The following SLC36A1 variants were observed in gnomAD, a reference collection of about 807,000 sequenced individuals.
SLC36A1 encodes the protein proton-coupled amino acid transporter 1.
A neutral mutation model predicts 47.5 loss-of-function variants in SLC36A1; 30 were observed. The observed-to-expected ratio is 0.63, with a 90% CI of 0.47 to 0.86. SLC36A1 has a LOEUF of 0.86. SLC36A1 is among the 40% of genes least tolerant of loss of function. The pLI, the probability that SLC36A1 is intolerant of heterozygous loss-of-function variation, is 0.00. For missense variants in SLC36A1, 517 were observed against 606.0 expected, an observed-to-expected ratio of 0.85 and a Z score of 1.54; for synonymous variants, 255 against 249.7, an observed-to-expected ratio of 1.02 and a Z score of -0.20.
upstream of SLC36A1, among the ~76,000 whole-genome samples, chr5:151,434,861 C>T (rs917077369): frequency 3.3e-5 from 5 of 152,284 alleles, no homozygotes; most frequent in East Asian, 5.8e-4. Context: ...TTGGACTTTT[C>T]GGTCTCCGGA....
chr5:151,479,620 G>A, intron 10 of SLC36A1, 131 bp downstream of exon 10: 3 of 1,039,366 alleles, frequency 2.9e-6, no homozygotes, highest in Non-Finnish European at 4.2e-6. Flanking sequence ...CTGGCCCATG[G>A]CCTCACTTTC....
upstream of SLC36A1, among the ~76,000 whole-genome samples, chr5:151,433,544 G>A (rs1011968848): frequency 1.3e-5 from 2 of 151,126 alleles, no homozygotes; most frequent in African/African-American, 4.9e-5. Context: ...GCCCGCCTTG[G>A]CCTTCCAAAG....
chr5:151,510,241 C>T, the SLC36A1 span: 3 of 1,550,982 alleles, frequency 1.9e-6, no homozygotes, highest in Admixed American at 5.1e-5. Context: ...CTGGCATTGG[C>T]AGACTGGTGT....
At chr5:151,443,547 T>G (rs183376393), upstream of SLC36A1, among the ~76,000 whole-genome samples, 71 of 152,344 alleles carry the variant, frequency 4.7e-4, no homozygotes, top group East Asian at 0.01. Context: ...TATGAGTTTT[T>G]GATACATTTT....
chr5:151,408,799 A>G, the SLC36A1 span, among the ~76,000 whole-genome samples: 5 of 152,166 alleles, frequency 3.3e-5, no homozygotes, highest in Non-Finnish European at 5.9e-5. Flanking sequence ...CCATGAAAAT[A>G]AACACCAATA....
the SLC36A1 span, chr5:151,526,092 C>T: frequency 2.3e-6 from 2 of 888,190 alleles, no homozygotes; most frequent in Non-Finnish European, 1.8e-6. Flanking sequence ...GGTGCCTGGA[C>T]ATCAAGCTGC....
upstream of SLC36A1, among the ~76,000 whole-genome samples, chr5:151,432,299 A>G (rs1759399847): frequency 6.6e-6 from 1 of 152,234 alleles, no homozygotes; most frequent in South Asian, 2.1e-4. Context: ...TAACAAAAGC[A>G]GTTGCTCTTG....
the SLC36A1 span, among the ~76,000 whole-genome samples, chr5:151,410,183 C>T: frequency 6.6e-6 from 1 of 152,068 alleles, no homozygotes; most frequent in South Asian, 2.1e-4. Flanking sequence ...TGTCTGAGGG[C>T]AGGAACTTTA....
chr5:151,369,573 C>T, the SLC36A1 span, among the ~76,000 whole-genome samples: 1 of 152,162 alleles, frequency 6.6e-6, no homozygotes, highest in African/African-American at 2.4e-5. Flanking sequence ...AACTCTTGGG[C>T]TCAAGTGATC....
chr5:151,545,642 C>A, the SLC36A1 span: 1 of 1,614,160 alleles, frequency 6.2e-7, no homozygotes, highest in East Asian at 2.2e-5. Context: ...CTCTCATAAT[C>A]CATCTCTGAT....
chr5:151,545,094 C>T, the SLC36A1 span: 2 of 1,614,186 alleles, frequency 1.2e-6, no homozygotes, highest in Non-Finnish European at 1.7e-6. Flanking sequence ...CCATATGAAA[C>T]ATATCTGTGC....
chr5:151,549,431 G>T, the SLC36A1 span: 1 of 1,614,170 alleles, frequency 6.2e-7, no homozygotes, highest in Non-Finnish European at 8.5e-7. Flanking sequence ...AGCGGGGTGG[G>T]TGGAGGTTTC....
chr5:151,524,607 G>T, the SLC36A1 span, among the ~76,000 whole-genome samples: 4 of 152,202 alleles, frequency 2.6e-5, no homozygotes, highest in African/African-American at 9.6e-5. Flanking sequence ...AGCCCAAATG[G>T]ACTAAGTCAG....
At chr5:151,544,815 A>C in the SLC36A1 span, 1 of 1,614,222 alleles carries the variant, frequency 6.2e-7, no homozygotes, top group South Asian at 1.1e-5. Flanking sequence ...CATATGTAAC[A>C]GCCCCATTTG....
the SLC36A1 span, chr5:151,545,182 T>A: frequency 6.2e-7 from 1 of 1,614,112 alleles, no homozygotes; most frequent in Non-Finnish European, 8.5e-7. Context: ...CTTTCTGTCC[T>A]GCAAGTTCTC....
At chr5:151,545,248 T>C in the SLC36A1 span, 1 of 1,614,162 alleles carries the variant, frequency 6.2e-7, no homozygotes, top group Non-Finnish European at 8.5e-7. Context: ...GTCAAGCACT[T>C]GGGTCAAAGA....
chr5:151,457,934 C>T (rs35191954), intron 1 of SLC36A1, among the ~76,000 whole-genome samples: 15,429 of 151,386 alleles, frequency 0.1, 979 homozygotes, highest in East Asian at 0.26. Flanking sequence ...CCACAACCTC[C>T]GCCTCCCGGT....
chr5:151,544,214 G>A, the SLC36A1 span: 42 of 1,614,186 alleles, frequency 2.6e-5, no homozygotes, highest in East Asian at 6.0e-4. Flanking sequence ...GAGACGTCAC[G>A]GTTCCGCCCT....
the SLC36A1 span, among the ~76,000 whole-genome samples, chr5:151,408,929 T>C: frequency 1.3e-5 from 2 of 152,072 alleles, no homozygotes; most frequent in Non-Finnish European, 2.9e-5. Flanking sequence ...ACCAGGGGAG[T>C]AGTAAGTGAA....
Sources: allele counts gnomAD v4.1 joint callset (sites outside exome capture counted in the v4.1 genomes callset), GRCh38; gene constraint gnomAD v4.1.1; transcripts MANE v1.5; gene names NCBI Gene and HGNC (gene_info 2026-07-23, HGNC 2026-07-21).